The following EFL1 variants were observed in gnomAD, a reference collection of about 807,000 sequenced individuals.
EFL1 encodes elongation factor-like GTPase 1.
Under a neutral mutation model 126.7 loss-of-function variants are expected in EFL1, and 76 were observed. The ratio of observed to expected loss-of-function variants is 0.60; its 90% CI spans 0.50 to 0.73. The LOEUF (loss-of-function observed/expected upper bound fraction) is 0.73. Among genes scored for constraint, EFL1 ranks in the 30% least tolerant of loss-of-function variants. EFL1 has a pLI of 0.00. For missense variants in EFL1, 1,128 were observed against 1,343.2 expected (o/e 0.84, Z 2.50); for synonymous variants, 410 against 448.4 (o/e 0.91, Z 1.08).
intron 12 of EFL1, among the ~76,000 whole-genome samples, chr15:82,221,545 A>G (rs1379483717): frequency 6.6e-6 from 1 of 152,162 alleles, no homozygotes; most frequent in Non-Finnish European, 1.5e-5. Flanking sequence ...CCAGGACTAG[A>G]CACTACTTCT....
chr15:82,198,314 C>G (rs1390020795), intron 15 of EFL1, among the ~76,000 whole-genome samples: 1 of 152,172 alleles, frequency 6.6e-6, no homozygotes. Context: ...TACCCAAAAT[C>G]AAGGCCAGTG....
chr15:82,240,701 T>A (rs746572794), intron 5 of EFL1, 146 bp from the exon 6 acceptor site: 7 of 901,644 alleles, frequency 7.8e-6, no homozygotes, highest in Non-Finnish European at 1.2e-5. Flanking sequence ...TACAGCGGAG[T>A]AGCAAAGAAC....
At chr15:82,219,411 A>C (rs1175081135) in intron 14 of EFL1, among the ~76,000 whole-genome samples, 1 of 152,226 alleles carries the variant, frequency 6.6e-6, no homozygotes. Context: ...AGAAGAGAAA[A>C]GCCTTATAAT....
At chr15:82,238,560 G>A (rs766325905) in intron 6 of EFL1, 39 bp from the exon 7 acceptor site, 3 of 1,485,174 alleles carry the variant, frequency 2.0e-6, no homozygotes, top group African/African-American at 2.8e-5. Context: ...TCATTCAGAT[G>A]CTCAGCATGC....
intron 10 of EFL1, 104 bp from the exon 11 acceptor site, chr15:82,227,676 C>G: frequency 6.7e-7 from 1 of 1,493,794 alleles, no homozygotes; most frequent in Non-Finnish European, 9.1e-7. Context: ...TCTGTCCATA[C>G]AGAAAATGCC....
chr15:82,142,971 TG>T (rs1567038477), intron 18 of EFL1, among the ~76,000 whole-genome samples: 1 of 152,238 alleles, frequency 6.6e-6, no homozygotes, highest in African/African-American at 2.4e-5. Flanking sequence ...TGTTCTTTTA[TG>T]GCCCTATGGA....
chr15:82,252,617 C>T, intron 4 of EFL1, 74 bp downstream of exon 4: 2 of 1,113,296 alleles, frequency 1.8e-6, no homozygotes, highest in Non-Finnish European at 2.7e-6. Context: ...CTGAGGCATG[C>T]AATTAATTCA....
At chr15:82,249,834 C>T (rs1295451570) in intron 4 of EFL1, among the ~76,000 whole-genome samples, 1 of 152,040 alleles carries the variant, frequency 6.6e-6, no homozygotes, top group Admixed American at 6.6e-5. Flanking sequence ...AGTGTATGAC[C>T]TTGATGGTTT....
At chr15:82,220,525 CA>C (rs2074700822) in intron 12 of EFL1, among the ~76,000 whole-genome samples, 2 of 152,068 alleles carry the variant, frequency 1.3e-5, no homozygotes. Context: ...CTGGAAAAGG[CA>C]AAGAACAGGA....
intron 15 of EFL1, 144 bp from the exon 16 acceptor site, chr15:82,164,128 G>GT (rs879265545): frequency 0.075 from 55,031 of 736,154 alleles, 136 homozygotes; most frequent in African/African-American, 0.1. Flanking sequence ...GACCTGCACT[G>GT]TTTTTTTTTT....
rs753709573 is a variant in EFL1 at position 82,240,374 on chromosome 15, T to C, written c.516+44A>G. ...CCCAGCTCAGTAACTTCCTTACAAC[T>C]CTTCTTCGTGGCTAAATTTTTTAAA... On this transcript the variant is annotated intron_variant, in intron 6 of 19. Coordinates refer to ENST00000268206, the MANE Select transcript of EFL1 (RefSeq NM_024580.6). 1.9e-5 allele frequency: 29 copies of C among 1,536,866 alleles called. No individual in the cohort carries two copies. In the Middle Eastern group the frequency reaches 5.2e-4, roughly 27 times the overall value.
intron 15 of EFL1, among the ~76,000 whole-genome samples, chr15:82,200,131 G>A (rs2074451843): frequency 6.6e-6 from 1 of 152,072 alleles, no homozygotes; most frequent in African/African-American, 2.4e-5. Context: ...CTATGCATCG[G>A]GAAAAAAACA....
At chr15:82,158,453 G>A (rs2073989616) in intron 16 of EFL1, among the ~76,000 whole-genome samples, 1 of 152,038 alleles carries the variant, frequency 6.6e-6, no homozygotes, top group Non-Finnish European at 1.5e-5. Flanking sequence ...GTAGGGATAG[G>A]GACTGTGACC....
intron 15 of EFL1, among the ~76,000 whole-genome samples, chr15:82,194,150 T>TA (rs1455419588): frequency 6.6e-6 from 1 of 152,202 alleles, no homozygotes; most frequent in African/African-American, 2.4e-5. Flanking sequence ...GTTTGGTCAG[T>TA]AGTGCCATTG....
At chr15:82,165,922 A>G (rs1054988431) in intron 15 of EFL1, among the ~76,000 whole-genome samples, 11 of 152,142 alleles carry the variant, frequency 7.2e-5, no homozygotes, top group African/African-American at 2.7e-4. Flanking sequence ...TCTTTGGTCA[A>G]AGTCTAAATT....
intron 19 of EFL1, among the ~76,000 whole-genome samples, chr15:82,136,981 T>TAGCATTAACCTTGGTTCTGTCA (rs1467971948): frequency 1.7e-4 from 26 of 151,694 alleles, no homozygotes; most frequent in Non-Finnish European, 3.2e-4. Context: ...ACCTAAATCA[T>TAGCATTAACCTTGGTTCTGTCA]AGCATTAACC....
At chr15:82,202,129 C>T (rs1214688090) in intron 15 of EFL1, among the ~76,000 whole-genome samples, 1 of 152,194 alleles carries the variant, frequency 6.6e-6, no homozygotes, top group African/African-American at 2.4e-5. Context: ...ATCTTTGCAA[C>T]ACTGAATAAG....
chr15:82,192,205 G>C (rs1286043296), intron 15 of EFL1, among the ~76,000 whole-genome samples: 1 of 152,032 alleles, frequency 6.6e-6, no homozygotes, highest in Admixed American at 6.5e-5. Flanking sequence ...TTCAAGACAA[G>C]CCTGGCCAAC....
In EFL1 at chr15:82,152,147, A is replaced by G; in HGVS notation, c.2307T>C (p.Asn769=). The G allele has an allele frequency of 6.2e-7, 1 of 1,613,980 alleles. No individual in the cohort carries two copies. Among genetic ancestry groups the G allele is most frequent in the East Asian group, 2.2e-5 (1 of 44,848 alleles). Residue 769 remains asparagine, a synonymous_variant, in exon 18 of 20, where the codon AAT becomes AAC. Transcript: ENST00000268206. ...GCTCCATAGAACGAATCAAATCACT[A>G]TTTTCTTCCAGAATCTGGGTGACTT... ...PEEVTQILEE[N]SDLIRSMEQL... is the part of the protein sequence containing the mutation.
Sources: allele counts gnomAD v4.1 joint callset (sites outside exome capture counted in the v4.1 genomes callset), GRCh38; gene constraint gnomAD v4.1.1; transcripts MANE v1.5; gene names NCBI Gene and HGNC (gene_info 2026-07-23, HGNC 2026-07-21).